A2M: variants seen among roughly 807,000 people sequenced by gnomAD.
The protein encoded by A2M is alpha-2-macroglobulin.
A neutral mutation model predicts 183.9 loss-of-function variants in A2M; 128 were observed. That is an observed-to-expected ratio of 0.70 (90% CI 0.60 to 0.81). The LOEUF (loss-of-function observed/expected upper bound fraction) is 0.81, where lower values mean the gene tolerates loss of function less well. A2M is among the 30% of genes least tolerant of loss of function. The probability of loss-of-function intolerance (pLI) is 0.00; values close to 1 mark genes in which losing one functional copy is unlikely to be tolerated. For missense variants in A2M, 1,495 were observed against 1,787.6 expected, an observed-to-expected ratio of 0.84 and a Z score of 2.95; for synonymous variants, 592 against 670.8, an observed-to-expected ratio of 0.88 and a Z score of 1.81.
intron 25 of A2M, 71 bp from the exon 26 acceptor site, chr12:9,077,928 G>T: frequency 1.3e-6 from 2 of 1,579,634 alleles, no homozygotes; most frequent in South Asian, 1.1e-5. Flanking sequence ...ACAGCAACAG[G>T]CTTCATATGA....
chr12:9,096,945 C>T (rs1015527053), intron 15 of A2M, among the ~76,000 whole-genome samples: 3 of 152,066 alleles, frequency 2.0e-5, no homozygotes, highest in Non-Finnish European at 4.4e-5. Context: ...AATGAATGAC[C>T]TACACTAGTA....
At chr12:9,110,568 A>G (rs1208639784) in intron 4 of A2M, among the ~76,000 whole-genome samples, 1 of 151,778 alleles carries the variant, frequency 6.6e-6, no homozygotes, top group Non-Finnish European at 1.5e-5. Flanking sequence ...ATGCATGATA[A>G]TAATCATTAT....
chr12:9,111,606 C>T, intron 4 of A2M: 1 of 449,596 alleles, frequency 2.2e-6, no homozygotes, highest in Non-Finnish European at 4.4e-6. Flanking sequence ...AATCTTTTGT[C>T]TTTGGAGCTA....
chr12:9,102,388 G>A (rs1937940355), intron 11 of A2M, among the ~76,000 whole-genome samples: 2 of 152,004 alleles, frequency 1.3e-5, no homozygotes, highest in Admixed American at 6.6e-5. Flanking sequence ...CTAATTTTTT[G>A]TATATTTTGT....
At chr12:9,101,815 C>T in intron 11 of A2M, 141 bp from the exon 12 acceptor site, 1 of 701,320 alleles carries the variant, frequency 1.4e-6, no homozygotes, top group Non-Finnish European at 2.3e-6. Flanking sequence ...GGGAGAAGGA[C>T]CCCTGATTTT....
chr12:9,095,820 C>T (rs945499480), intron 15 of A2M, 120 bp from the exon 16 acceptor site: 11 of 778,044 alleles, frequency 1.4e-5, no homozygotes, highest in South Asian at 4.2e-5. Flanking sequence ...ACTGCAGTGG[C>T]GCAATCTCGG....
In A2M at chr12:9,107,525, T is replaced by A; in HGVS notation, c.878A>T (p.Gln293Leu). The A allele has an allele frequency of 6.2e-7, 1 of 1,613,898 alleles. No homozygotes were observed. The highest frequency in any genetic ancestry group is 1.1e-5 in the South Asian group (1 of 91,084). Residue 293 changes from glutamine to leucine, a missense_variant and splice_region_variant, in exon 8 of 36, where the codon CAG (glutamine) becomes CTG (leucine). Physicochemically the swap from Gln to Leu is moderately radical, Grantham distance 113. Transcript: ENST00000318602. ...TAGAAAAAATAGTGTTCAACCTACC[T>A]GTCCACTGAATTTCTCACAGAAAGC... ...SQAFCEKFSGQLNSHGCFYQQ... is the reference protein window; with the variant it reads ...SQAFCEKFSGLLNSHGCFYQQ...
chr12:9,079,405 C>T, intron 24 of A2M, 74 bp from the exon 25 acceptor site: 1 of 1,429,356 alleles, frequency 7.0e-7, no homozygotes, highest in Non-Finnish European at 9.8e-7. Flanking sequence ...ACTAAAAGTA[C>T]CTTGGCTTCT....
At position 9,095,607 on chromosome 12, in the gene A2M, A is replaced by G; in HGVS notation, c.1945T>C (p.Tyr649His). The change falls in exon 16 of 36, where the codon TAT becomes CAT. Residue 649 changes from tyrosine to histidine, a missense_variant. Physicochemically the swap from Tyr to His is moderately conservative, Grantham distance 83. Coordinates refer to ENST00000318602, the MANE Select transcript of A2M (RefSeq NM_000014.6). ...NEDCINRHNV[Y>H]INGITYTPVS... is the part of the protein sequence containing the mutation. Reference sequence around the variant, plus strand: ...GGAGTATATGTGATTCCATTAATATAGACATTATGACGATTGATGCAGTCT... The same window carrying G: ...GGAGTATATGTGATTCCATTAATATGGACATTATGACGATTGATGCAGTCT... 1 of 1,611,878 alleles carries G rather than the reference A, an allele frequency of 6.2e-7. No homozygotes were observed. Among genetic ancestry groups the G allele is most frequent in the Non-Finnish European group, 8.5e-7 (1 of 1,177,982 alleles).
Position 9,112,175 on chromosome 12 carries a change from T to A in A2M, c.467A>T (p.His156Leu), listed in dbSNP as rs756654833. The A allele has an allele frequency of 1.9e-6, 3 of 1,613,646 alleles. No individual in the cohort carries two copies. The highest frequency in any genetic ancestry group is 1.1e-5 in the South Asian group (1 of 91,048). ...FRVVSMDENF[H>L]PLNELIPLVY... ...AAAACTCACCAACTCATTCAGGGGGTGAAAGTTTTCATCCATGGAGACAAC... is the reference window on the plus strand; with the variant it reads ...AAAACTCACCAACTCATTCAGGGGGAGAAAGTTTTCATCCATGGAGACAAC... The change falls in exon 4 of 36, where the codon CAC (histidine) becomes CTC (leucine). Residue 156 changes from histidine to leucine, a missense_variant. By Grantham distance (99) the His-to-Leu change is moderately conservative (BLOSUM62 -3). Coordinates refer to ENST00000318602, the MANE Select transcript of A2M (RefSeq NM_000014.6).
At chr12:9,091,809 G>T (rs914500915) in intron 18 of A2M, among the ~76,000 whole-genome samples, 2 of 152,222 alleles carry the variant, frequency 1.3e-5, no homozygotes, top group Non-Finnish European at 2.9e-5. Flanking sequence ...TTGCTAACCA[G>T]TGAGGGATCT....
rs778686209 is a variant in A2M, at chr12:9,070,542, G to A, written c.4140C>T (p.Ile1380=). 1.2e-5 allele frequency: 20 copies of A among 1,613,678 alleles called. No homozygotes were observed. The highest frequency in any genetic ancestry group is 9.9e-5 in the South Asian group (9 of 91,026). The change falls in exon 32 of 36, where the codon ATC becomes ATT. Residue 1380 remains isoleucine (I), a synonymous_variant. Coordinates refer to ENST00000318602, the MANE Select transcript of A2M (RefSeq NM_000014.6). The part of the protein sequence containing the change: ...TGSRSASNMA[I]VDVKMVSGFI... The stretch of plus-strand genomic sequence containing the variant: ...AGCCAGAGACCATCTTCACATCAAC[G>A]ATCGCCATGTTGGAGGCAGAGCGGC...
At chr12:9,091,508 T>C in intron 18 of A2M, 79 bp from the exon 19 acceptor site, 2 of 1,456,930 alleles carry the variant, frequency 1.4e-6, no homozygotes, top group Non-Finnish European at 1.9e-6. Context: ...CTAGGAATGA[T>C]TCTACTGCCA....
chr12:9,116,070 G>A, upstream of A2M: 4 of 536,454 alleles, frequency 7.5e-6, no homozygotes, highest in East Asian at 3.7e-5. Flanking sequence ...AATTCCTGGC[G>A]GGCTAAATAG....
At chr12:9,084,224 A>G (rs1180709758) in intron 22 of A2M, among the ~76,000 whole-genome samples, 3 of 152,158 alleles carry the variant, frequency 2.0e-5, no homozygotes, top group Admixed American at 2.0e-4. Context: ...AAGGCCCCTA[A>G]TTAATAATAC....
rs773383299 is a variant in A2M at position 9,076,811 on chromosome 12, G to T, written c.3477C>A (p.Asn1159Lys). Reference sequence around the variant, plus strand: ...TGAGTACTTCCTTCCTCTTGTCCTGGTTACCTGCCAGGGCAAAAGCATAGG... The same window carrying T: ...TGAGTACTTCCTTCCTCTTGTCCTGTTTACCTGCCAGGGCAAAAGCATAGG... ...LLAYAFALAG[N>K]QDKRKEVLKS... The change falls in exon 28 of 36, where the codon AAC (asparagine) becomes AAA (lysine). Residue 1159 changes from asparagine (N) to lysine (K), a missense_variant. By Grantham distance (94) the Asn-to-Lys change is moderately conservative. Coordinates refer to ENST00000318602, the MANE Select transcript of A2M (RefSeq NM_000014.6). 1 of 1,613,880 alleles carries T rather than the reference G, an allele frequency of 6.2e-7. No individual in the cohort carries two copies.
chr12:9,068,055 T>G, intron 35 of A2M, 128 bp downstream of exon 35: 1 of 1,162,476 alleles, frequency 8.6e-7, no homozygotes, highest in South Asian at 1.4e-5. Flanking sequence ...TGTTTTTCTA[T>G]AATAATGTGC....
Position 9,076,856 on chromosome 12 carries a change from T to C in A2M, c.3432A>G (p.Val1144=), listed in dbSNP as rs755711038. 3.1e-6 allele frequency: 5 copies of C among 1,613,770 alleles called. No individual in the cohort carries two copies. The highest frequency in any genetic ancestry group is 4.2e-6 in the Non-Finnish European group (5 of 1,179,904). The change falls in exon 28 of 36, where the codon GTA becomes GTG. Residue 1144 remains valine, a synonymous_variant. Coordinates refer to ENST00000318602, the MANE Select transcript of A2M (RefSeq NM_000014.6). ...TAQEGDHGSH[V]YTKALLAYAF... is the part of the protein sequence containing the mutation. Reference sequence around the variant, plus strand: ...CATAGGCCAGCAGTGCTTTGGTATATACATGGCTGCCATGGTCCCCTTCTT... The same window carrying C: ...CATAGGCCAGCAGTGCTTTGGTATACACATGGCTGCCATGGTCCCCTTCTT...
upstream of A2M, chr12:9,116,092 G>A: frequency 4.1e-6 from 2 of 483,506 alleles, no homozygotes; most frequent in Non-Finnish European, 7.7e-6. Context: ...ATCCCTGGAG[G>A]GCTAAAACTA....
Sources: allele counts gnomAD v4.1 joint callset (sites outside exome capture counted in the v4.1 genomes callset), GRCh38; gene constraint gnomAD v4.1.1; transcripts MANE v1.5; gene names NCBI Gene and HGNC (gene_info 2026-07-23, HGNC 2026-07-21).